Variants in COQ10B observed in about 807,000 individuals in gnomAD.
COQ10B encodes the protein coenzyme Q-binding protein COQ10 homolog B, mitochondrial.
COQ10B carries 12 observed loss-of-function variants against 27.6 expected under a neutral mutation model. The ratio of observed to expected loss-of-function variants is 0.43; its 90% CI spans 0.28 to 0.70. The LOEUF (loss-of-function observed/expected upper bound fraction) is 0.70, where lower values mean the gene tolerates loss of function less well. Ranked by LOEUF, COQ10B falls within the 30% of genes least tolerant of loss-of-function variation. The pLI is 0.17. For synonymous variants in COQ10B, 115 were observed against 103.0 expected (o/e 1.12, Z -0.71); for missense variants, 278 against 288.7 (o/e 0.96, Z 0.27).
intron 4 of COQ10B, among the ~76,000 whole-genome samples, chr2:197,473,441 TAC>T (rs1361911016): frequency 2.0e-5 from 2 of 98,220 alleles, no homozygotes; most frequent in East Asian, 2.7e-4. Context: ...TATATATATA[TAC>T]ACATATATAC....
rs1574589298 is a variant in COQ10B, at chr2:197,473,884, T to C, written c.677T>C (p.Ile226Thr). 6.3e-7 allele frequency: 1 copy of C among 1,589,484 alleles called. No homozygotes were observed. The highest frequency in any genetic ancestry group is 8.6e-7 in the Non-Finnish European group (1 of 1,165,298). ...ACKLYGPETNIPRELMLHEVH... is the reference protein window; with the variant it reads ...ACKLYGPETNTPRELMLHEVH... ...AAGCTGTATGGTCCAGAAACAAATATACCTCGGGAGTTAATGCTTCATGAA... is the reference window on the plus strand; with the variant it reads ...AAGCTGTATGGTCCAGAAACAAATACACCTCGGGAGTTAATGCTTCATGAA... The change falls in exon 5 of 5, where the codon ATA becomes ACA. Residue 226 changes from isoleucine (I) to threonine (T), a missense_variant. Physicochemically the swap from Ile to Thr is moderately conservative, Grantham distance 89. This residue lies in a region of COQ10B where 83 missense variants were observed against 104.5 expected (regional missense o/e 0.79). Coordinates refer to ENST00000263960, the MANE Select transcript of COQ10B (RefSeq NM_025147.5).
In COQ10B at chr2:197,453,595, G is replaced by C; in HGVS notation, c.35G>C (p.Arg12Thr). 6 of 1,614,120 alleles carry C rather than the reference G, an allele frequency of 3.7e-6. No homozygotes were observed. Among genetic ancestry groups the C allele is most frequent in the Non-Finnish European group, 5.1e-6 (6 of 1,180,008 alleles). The change falls in exon 1 of 5, where the codon AGG becomes ACG. Residue 12 changes from arginine (R) to threonine (T), a missense_variant. Physicochemically the swap from Arg to Thr is moderately conservative, Grantham distance 71. Coordinates refer to ENST00000263960, the MANE Select transcript of COQ10B (RefSeq NM_025147.5). ...CGGACTGGTCATACGGCCTTGAGAAGGGTAGTCTCGGGATGCCGTCCGAAG... is the reference window on the plus strand; with the variant it reads ...CGGACTGGTCATACGGCCTTGAGAACGGTAGTCTCGGGATGCCGTCCGAAG... ...AARTGHTALR[R>T]VVSGCRPKSA...
At chr2:197,454,005 A>G in intron 1 of COQ10B, 1 of 1,551,210 alleles carries the variant, frequency 6.4e-7, no homozygotes, top group Non-Finnish European at 8.7e-7. Flanking sequence ...AACTTTGCGC[A>G]GAAGGGTTGC....
At chr2:197,471,004 T>G (rs1199087579) in intron 4 of COQ10B, among the ~76,000 whole-genome samples, 1 of 152,178 alleles carries the variant, frequency 6.6e-6, no homozygotes, top group East Asian at 1.9e-4. Flanking sequence ...GGTTCGAGCT[T>G]GCAGTGAACT....
chr2:197,455,352 G>T (rs904821003), intron 1 of COQ10B, among the ~76,000 whole-genome samples: 1 of 152,086 alleles, frequency 6.6e-6, no homozygotes, highest in Admixed American at 6.5e-5. Context: ...GGTACTGGGC[G>T]CAGTGGCTTA....
chr2:197,462,231 T>G (rs2085768446), intron 2 of COQ10B, among the ~76,000 whole-genome samples: 1 of 149,020 alleles, frequency 6.7e-6, no homozygotes, highest in Admixed American at 6.8e-5. Context: ...ATCGTACCAC[T>G]GCACTCTAGC....
chr2:197,470,363 G>A (rs1266542257), intron 4 of COQ10B, among the ~76,000 whole-genome samples, 192 bp downstream of exon 4: 2 of 152,116 alleles, frequency 1.3e-5, no homozygotes, highest in African/African-American at 4.8e-5. Flanking sequence ...CAAATCTGTA[G>A]ATTGTAAGAT....
intron 1 of COQ10B, chr2:197,453,891 G>A: frequency 2.8e-6 from 4 of 1,449,086 alleles, no homozygotes; most frequent in Non-Finnish European, 3.8e-6. Flanking sequence ...GAGAGGCGGT[G>A]AATCATCGGC....
rs2085773549 is a variant in COQ10B, at chr2:197,462,608, C to T, written c.324C>T (p.Cys108=). The T allele has an allele frequency of 6.3e-7, 1 of 1,595,556 alleles. No homozygotes were observed. The highest frequency in any genetic ancestry group is 8.6e-7 in the Non-Finnish European group (1 of 1,168,034). The change falls in exon 3 of 5, where the codon TGC becomes TGT. Residue 108 remains cysteine (C), a synonymous_variant. Transcript: ENST00000263960. ...ATTACAAGCATTTTGTTCCTTGGTG[C>T]AAAAAATCAGATGTTATATCAAAGA... ...VEDYKHFVPW[C]KKSDVISKRS... is the part of the protein sequence containing the mutation.
intron 4 of COQ10B, among the ~76,000 whole-genome samples, chr2:197,471,333 G>A (rs2085875225): frequency 6.6e-6 from 1 of 151,996 alleles, no homozygotes; most frequent in South Asian, 2.1e-4. Flanking sequence ...GTAGGGATGG[G>A]GTTTTGCCAT....
In COQ10B at chr2:197,457,623, CT is replaced by C. The variant is rs564277877; in HGVS notation, c.105-2295del. On this transcript the variant is annotated intron_variant, in intron 1 of 4. Coordinates refer to ENST00000263960, the MANE Select transcript of COQ10B (RefSeq NM_025147.5). ...TACAGTTTATGTGTCTTTTCAATTA[CT>C]TTTTTTTTTTTTTGAGACGGGGAGT... Among the ~76,000 whole-genome samples, 404 of 144,342 alleles carry C rather than the reference CT, an allele frequency of 2.8e-3. 1 individual carries two copies. Among genetic ancestry groups the C allele is most frequent in the Middle Eastern group, 0.011 (3 of 276 alleles). 94.7% of individuals were successfully genotyped at this position (144,342 alleles called of 152,430 possible).
chr2:197,456,905 A>G lies in COQ10B; in HGVS notation c.105-3027A>G, dbSNP rs114256465. ...ACAAAATTAATGCTAGATAGGAGGA[A>G]TACATTTCTAATGGTCTGTACCCGC... is the stretch of plus-strand genomic sequence containing the variant. On this transcript the variant is annotated intron_variant, in intron 1 of 4. Transcript: ENST00000263960. 3.8e-3 allele frequency among the ~76,000 whole-genome samples: 584 copies of G among 152,000 alleles called. 4 individuals carry two copies. Among genetic ancestry groups the G allele is most frequent in the African/African-American group, 0.011 (458 of 41,474 alleles).
chr2:197,459,317 C>A (rs1237668044), intron 1 of COQ10B, among the ~76,000 whole-genome samples: 1 of 152,146 alleles, frequency 6.6e-6, no homozygotes, highest in African/African-American at 2.4e-5. Context: ...CAGGCACATG[C>A]CACCATGGCC....
At position 197,474,716 on chromosome 2, in the gene COQ10B, G is replaced by T. The variant is rs1355701503; in HGVS notation, c.*792G>T. On this transcript the variant is annotated 3_prime_UTR_variant, in exon 5 of 5. Coordinates refer to ENST00000263960, the MANE Select transcript of COQ10B (RefSeq NM_025147.5). Reference sequence around the variant, plus strand: ...ACAAAAACAAAAACTGTTAGTGAAGGTTCCCTGGGACTTTTGATATTTTAA... The same window carrying T: ...ACAAAAACAAAAACTGTTAGTGAAGTTTCCCTGGGACTTTTGATATTTTAA... The T allele has an allele frequency of 6.6e-6, 1 of 151,944 alleles. No individual in the cohort carries two copies. Among genetic ancestry groups the T allele is most frequent in the Non-Finnish European group, 1.5e-5 (1 of 67,992 alleles). 9.4% of individuals were successfully genotyped at this position (151,944 alleles called of 1,614,324 possible).
rs1320512657 is a variant in COQ10B, at chr2:197,463,988, TATATATATACACACAC to T, written c.447+1259_447+1274del. ...AAATATATATATATATATATATATA[TATATATATACACACAC>T]ACACACACACACACACACACACATA... On this transcript the variant is annotated intron_variant, in intron 3 of 4. Coordinates refer to ENST00000263960, the MANE Select transcript of COQ10B (RefSeq NM_025147.5). Among the ~76,000 whole-genome samples the T allele has an allele frequency of 8.0e-4, 65 of 81,526 alleles. 1 individual carries two copies. Among genetic ancestry groups the T allele is most frequent in the African/African-American group, 3.1e-3 (63 of 20,332 alleles). 53.5% of individuals were successfully genotyped at this position (81,526 alleles called of 152,430 possible). A position where few individuals can be genotyped will look rare whatever the true frequency, so the allele number is the denominator to read the frequency against.
At chr2:197,455,699 C>T (rs2085690710) in intron 1 of COQ10B, among the ~76,000 whole-genome samples, 1 of 152,032 alleles carries the variant, frequency 6.6e-6, no homozygotes, top group Non-Finnish European at 1.5e-5. Context: ...GTGACTCACA[C>T]CTGTAATCCC....
intron 3 of COQ10B, among the ~76,000 whole-genome samples, chr2:197,465,465 T>G (rs2085814720): frequency 6.6e-6 from 1 of 152,058 alleles, no homozygotes; most frequent in Admixed American, 6.6e-5. Context: ...ATTTTTTTTG[T>G]ATTTTTAGTA....
At chr2:197,460,746 T>G (rs1049010312) in intron 2 of COQ10B, among the ~76,000 whole-genome samples, 3 of 152,250 alleles carry the variant, frequency 2.0e-5, no homozygotes, top group Non-Finnish European at 4.4e-5. Context: ...ACATTTTCTG[T>G]GAAGGGACAG....
chr2:197,455,922 G>A (rs1006353944), intron 1 of COQ10B, among the ~76,000 whole-genome samples: 1 of 152,070 alleles, frequency 6.6e-6, no homozygotes, highest in African/African-American at 2.4e-5. Context: ...CTATACCACT[G>A]CACTCCAGCG....
Sources: gnomAD v4.1 joint callset for allele counts (sites outside exome capture counted in the v4.1 genomes callset) on GRCh38, gnomAD v4.1.1 for gene constraint, gnomAD v4.1.1 regional missense constraint, MANE v1.5 for transcripts, NCBI Gene and HGNC (gene_info 2026-07-23, HGNC 2026-07-21) for gene names.